SPG11: variants seen among roughly 807,000 people sequenced by gnomAD.
SPG11 encodes the protein SPG11 vesicle trafficking associated, spatacsin.
Under a neutral mutation model 274.0 loss-of-function variants are expected in SPG11, and 222 were observed. That is an observed-to-expected ratio of 0.81 (90% CI 0.73 to 0.91). The LOEUF is 0.91. Among genes scored for constraint, SPG11 ranks in the 40% least tolerant of loss-of-function variants. The pLI is 0.00. For missense variants in SPG11, 3,114 were observed against 2,872.7 expected, an observed-to-expected ratio of 1.08 and a Z score of -1.92; for synonymous variants, 1,144 against 1,039.7, an observed-to-expected ratio of 1.10 and a Z score of -1.93.
chr15:44,653,164 A>T (rs915224164), intron 4 of SPG11, among the ~76,000 whole-genome samples: 1 of 152,152 alleles, frequency 6.6e-6, no homozygotes, highest in Non-Finnish European at 1.5e-5. Flanking sequence ...GGCTATTAAG[A>T]ATTTTAAACT....
Position 44,638,421 on chromosome 15 carries a change from C to G in SPG11, c.1603-4784G>C, listed in dbSNP as rs1174151196. Among the ~76,000 whole-genome samples, 3 of 151,638 alleles carry G rather than the reference C, an allele frequency of 2.0e-5. No individual in the cohort carries two copies. In the East Asian group the frequency reaches 5.8e-4, roughly 29 times the overall value. ...GCTACGGTGAGCCAAGATCGTGCCACCTGCACTCCAGCCTGGGCGACAGAG... is the reference window on the plus strand; with the variant it reads ...GCTACGGTGAGCCAAGATCGTGCCAGCTGCACTCCAGCCTGGGCGACAGAG... On this transcript the variant is annotated intron_variant, in intron 7 of 39. Transcript: ENST00000261866.
chr15:44,660,481 A>G lies in SPG11; in HGVS notation c.393T>C (p.Tyr131=). 1 of 1,614,158 alleles carries G rather than the reference A, an allele frequency of 6.2e-7. No homozygotes were observed. The highest frequency in any genetic ancestry group is 8.5e-7 in the Non-Finnish European group (1 of 1,179,988). Residue 131 remains tyrosine (Y), a synonymous_variant, in exon 2 of 40, where the codon TAT becomes TAC. Coordinates refer to ENST00000261866, the MANE Select transcript of SPG11 (RefSeq NM_025137.4). ...KDGRCDATIL[Y]SCSREALQKL... is the part of the protein sequence containing the mutation. Reference sequence around the variant, plus strand: ...TTTGCAATGCCTCCCTACTACAGCTATACAAAATGGTTGCATCACATCTTC... The same window carrying G: ...TTTGCAATGCCTCCCTACTACAGCTGTACAAAATGGTTGCATCACATCTTC...
chr15:44,595,951 A>C (rs1480081479), intron 25 of SPG11, 132 bp downstream of exon 25: 2 of 1,210,344 alleles, frequency 1.7e-6, no homozygotes, highest in East Asian at 2.5e-5. Flanking sequence ...AAAATGTTGC[A>C]GTGAACTTGG....
At chr15:44,599,670 T>C (rs948938277) in intron 21 of SPG11, among the ~76,000 whole-genome samples, 2 of 152,200 alleles carry the variant, frequency 1.3e-5, no homozygotes, top group Non-Finnish European at 2.9e-5. Context: ...ATTTTCACCT[T>C]TCTGAACTAC....
intron 7 of SPG11, among the ~76,000 whole-genome samples, chr15:44,642,236 G>A (rs1177958482): frequency 6.6e-6 from 1 of 151,152 alleles, no homozygotes; most frequent in Admixed American, 6.6e-5. Context: ...GTGGTGGCAC[G>A]TGTCTGTAAT....
At position 44,597,381 on chromosome 15, in the gene SPG11, G is replaced by C. The variant is rs112118056; in HGVS notation, c.4002-438C>G. 8.0e-3 allele frequency among the ~76,000 whole-genome samples: 1,212 copies of C among 152,136 alleles called. 8 individuals carry two copies. Among genetic ancestry groups the C allele is most frequent in the Admixed American group, 0.014 (211 of 15,262 alleles). On this transcript the variant is annotated intron_variant, in intron 23 of 39. Transcript: ENST00000261866. ...TCCGCCTCACATTCCTGAAGTGCTG[G>C]GATTACAGGTGTGAGCCACTGTGCC... is the stretch of plus-strand genomic sequence containing the variant.
At chr15:44,608,247 G>GT (rs2083372395) in intron 19 of SPG11, among the ~76,000 whole-genome samples, 197 bp downstream of exon 19, 2 of 152,138 alleles carry the variant, frequency 1.3e-5, no homozygotes, top group African/African-American at 4.8e-5. Flanking sequence ...TGTTCTTGCA[G>GT]CCTTAGGGGT....
intron 30 of SPG11, 188 bp from the exon 31 acceptor site, chr15:44,575,229 C>T (rs939414088): frequency 2.0e-5 from 13 of 646,062 alleles, no homozygotes; most frequent in East Asian, 5.7e-5. Context: ...GGAAATCCCA[C>T]CCTGGGATAC....
chr15:44,638,469 C>T (rs1022830231), intron 7 of SPG11, among the ~76,000 whole-genome samples: 2 of 147,958 alleles, frequency 1.4e-5, no homozygotes, highest in South Asian at 2.1e-4. Flanking sequence ...TCAAAACAAA[C>T]AAACAAACAA....
rs2083379707 is a variant in SPG11 at position 44,608,507 on chromosome 15, G to C, written c.3390C>G (p.Leu1130=). ...LTPYPKLKTA[L]FPQCTPPSVL... is the part of the protein sequence containing the mutation. Reference sequence around the variant, plus strand: ...CACTAGGAGGAGTGCACTGTGGGAAGAGAGCAGTTTTTAGCTTGGGGTAAG... The same window carrying C: ...CACTAGGAGGAGTGCACTGTGGGAACAGAGCAGTTTTTAGCTTGGGGTAAG... Residue 1130 remains leucine, a synonymous_variant, in exon 19 of 40, where the codon CTC becomes CTG. Transcript: ENST00000261866. 1 of 1,614,154 alleles carries C rather than the reference G, an allele frequency of 6.2e-7. No homozygotes were observed. Among genetic ancestry groups the C allele is most frequent in the East Asian group, 2.2e-5 (1 of 44,876 alleles).
At position 44,563,043 on chromosome 15, in the gene SPG11, T is replaced by TCTC. The variant is rs1199494501; in HGVS notation, c.*75_*77dup. 7.0e-7 allele frequency: 1 copy of TCTC among 1,427,362 alleles called. No homozygotes were observed. The highest frequency in any genetic ancestry group is 9.9e-7 in the Non-Finnish European group (1 of 1,015,042). The allele number at this position is 1,427,362 out of a possible 1,614,324, so 88.4% of individuals were successfully genotyped here. On this transcript the variant is annotated 3_prime_UTR_variant, in exon 40 of 40. Coordinates refer to ENST00000261866, the MANE Select transcript of SPG11 (RefSeq NM_025137.4). ...CGGGATTGTTCAACTTTAGCAAAGA[T>TCTC]CTCCAATGCATTCTTCTTCTCATCA...
intron 1 of SPG11, 115 bp from the exon 2 acceptor site, chr15:44,660,731 C>T (rs2085080945): frequency 3.3e-6 from 3 of 915,854 alleles, no homozygotes; most frequent in Non-Finnish European, 5.2e-6. Flanking sequence ...CTGGTATAGT[C>T]ATTCTACACT....
intron 30 of SPG11, among the ~76,000 whole-genome samples, chr15:44,581,407 A>C (rs771329011): frequency 7.3e-5 from 11 of 151,650 alleles, no homozygotes; most frequent in Admixed American, 3.3e-4. Flanking sequence ...GGGTTTTGCC[A>C]TGTTGCCCAG....
At chr15:44,588,955 G>A (rs753121331) in intron 28 of SPG11, among the ~76,000 whole-genome samples, 43 of 152,196 alleles carry the variant, frequency 2.8e-4, no homozygotes, top group African/African-American at 7.2e-5. Context: ...CTAGGTCAGC[G>A]TCTGTGGGTT....
chr15:44,586,058 C>T (rs977613485), intron 28 of SPG11, among the ~76,000 whole-genome samples: 1 of 141,446 alleles, frequency 7.1e-6, no homozygotes, highest in South Asian at 2.2e-4. Flanking sequence ...GATCTCCGCT[C>T]GCTGCAACCT....
chr15:44,589,471 A>C (rs1477127280), intron 27 of SPG11, 57 bp from the exon 28 acceptor site: 28 of 1,606,028 alleles, frequency 1.7e-5, no homozygotes, highest in Non-Finnish European at 2.2e-5. Context: ...AGCAAATCAA[A>C]ACCTCCAAAT....
Position 44,620,309 on chromosome 15 carries a change from G to A in SPG11, c.2715C>T (p.Thr905=). ...NIILWIGEFQ[T]QHSYASLQQN... Reference sequence around the variant, plus strand: ...GCTGAAGTGAAGCATAACTATGCTGGGTTTGAAATTCTCCAATCCATAAGA... The same window carrying A: ...GCTGAAGTGAAGCATAACTATGCTGAGTTTGAAATTCTCCAATCCATAAGA... Residue 905 remains threonine (T), a synonymous_variant, in exon 15 of 40, where the codon ACC becomes ACT. Coordinates refer to ENST00000261866, the MANE Select transcript of SPG11 (RefSeq NM_025137.4). 6.2e-7 allele frequency: 1 copy of A among 1,613,978 alleles called. No individual in the cohort carries two copies. The highest frequency in any genetic ancestry group is 8.5e-7 in the Non-Finnish European group (1 of 1,179,970).
rs1239788614 is a variant in SPG11 at position 44,663,577 on chromosome 15, C to G, written c.71G>C (p.Arg24Pro). 6.3e-6 allele frequency: 10 copies of G among 1,596,488 alleles called. No individual in the cohort carries two copies. The East Asian group carries it at 2.3e-4, about 36-fold the overall frequency. ...TGGCACCAACAGCATCGGTAGAACC[C>G]GCCCCATGGCCGCGGTGCCCCAGCT... ...GGSWGTAAMG[R>P]VLPMLLVPVP... The change falls in exon 1 of 40, where the codon CGG becomes CCG. Residue 24 changes from arginine to proline, a missense_variant. By Grantham distance (103) the Arg-to-Pro change is moderately radical. Coordinates refer to ENST00000261866, the MANE Select transcript of SPG11 (RefSeq NM_025137.4).
At position 44,621,875 on chromosome 15, in the gene SPG11, T is replaced by G; in HGVS notation, c.2504A>C (p.Lys835Thr). The change falls in exon 14 of 40, where the codon AAA becomes ACA. Residue 835 changes from lysine (K) to threonine (T), a missense_variant. By Grantham distance (78) the Lys-to-Thr change is moderately conservative. Transcript: ENST00000261866. ...GTTAAATTCATCTTTACAATCATAT[T>G]TCAGGAATGAGTCCAAAACAGACTT... The part of the protein sequence containing the change: ...KHKSVLDSFL[K>T]YDCKDEFNKQ... 2 of 1,613,954 alleles carry G rather than the reference T, an allele frequency of 1.2e-6. No individual in the cohort carries two copies. Among genetic ancestry groups the G allele is most frequent in the South Asian group, 2.2e-5 (2 of 91,082 alleles).
Sources: gnomAD v4.1 joint callset for allele counts (sites outside exome capture counted in the v4.1 genomes callset) on GRCh38, gnomAD v4.1.1 for gene constraint, MANE v1.5 for transcripts, NCBI Gene and HGNC (gene_info 2026-07-23, HGNC 2026-07-21) for gene names.